Variants in SPIDR observed in about 807,000 individuals in gnomAD.
The protein encoded by SPIDR is DNA repair-scaffolding protein.
SPIDR carries 93 observed loss-of-function variants against 104.6 expected under a neutral mutation model. The ratio of observed to expected loss-of-function variants is 0.89; its 90% CI spans 0.75 to 1.06. SPIDR has a LOEUF of 1.06. Ranked by LOEUF, SPIDR falls within the 50% of genes least tolerant of loss-of-function variation. The probability of loss-of-function intolerance (pLI) is 0.00; values close to 1 mark genes in which losing one functional copy is unlikely to be tolerated. For synonymous variants in SPIDR, 431 were observed against 416.9 expected, an observed-to-expected ratio of 1.03 and a Z score of -0.41; for missense variants, 1,154 against 1,111.2, an observed-to-expected ratio of 1.04 and a Z score of -0.55.
chr8:47,551,322 T>C (rs540918938), intron 8 of SPIDR, among the ~76,000 whole-genome samples: 142 of 152,356 alleles, frequency 9.3e-4, no homozygotes, highest in African/African-American at 3.3e-3. Flanking sequence ...TTTCTATTGA[T>C]GTGAATAGTT....
chr8:47,663,805 T>G (rs1268919412), intron 10 of SPIDR, among the ~76,000 whole-genome samples: 1 of 152,220 alleles, frequency 6.6e-6, no homozygotes, highest in African/African-American at 2.4e-5. Context: ...TAGAGAATCT[T>G]TATTTCCAAT....
intron 5 of SPIDR, among the ~76,000 whole-genome samples, chr8:47,333,065 C>G (rs1052391698): frequency 6.6e-6 from 1 of 152,044 alleles, no homozygotes; most frequent in Non-Finnish European, 1.5e-5. Context: ...AACTAAGGCA[C>G]AGACACACAC....
At chr8:47,349,784 G>A (rs2053056336) in intron 5 of SPIDR, among the ~76,000 whole-genome samples, 1 of 152,244 alleles carries the variant, frequency 6.6e-6, no homozygotes, top group African/African-American at 2.4e-5. Flanking sequence ...GCCCGGCGCG[G>A]GATGTAATGT....
intron 10 of SPIDR, among the ~76,000 whole-genome samples, chr8:47,636,547 G>A (rs946913352): frequency 1.9e-4 from 29 of 152,244 alleles, no homozygotes; most frequent in Admixed American, 1.4e-3. Flanking sequence ...TTGGCCAGGC[G>A]CGGTGGCTCA....
intron 11 of SPIDR, among the ~76,000 whole-genome samples, chr8:47,699,647 C>T (rs968970813): frequency 6.6e-6 from 1 of 152,072 alleles, no homozygotes; most frequent in African/African-American, 2.4e-5. Flanking sequence ...CTCCGCCTCC[C>T]GGGTTCAAGC....
intron 8 of SPIDR, among the ~76,000 whole-genome samples, chr8:47,493,231 G>A (rs983831441): frequency 1.3e-5 from 2 of 152,202 alleles, no homozygotes; most frequent in Middle Eastern, 3.4e-3. Context: ...CAGATTTCCA[G>A]TAATAGAATT....
intron 8 of SPIDR, among the ~76,000 whole-genome samples, chr8:47,548,155 GTTAA>G (rs2089777034): frequency 6.6e-6 from 1 of 151,574 alleles, no homozygotes; most frequent in African/African-American, 2.4e-5. Context: ...TTTTTCTATT[GTTAA>G]TTAGAAGATA....
At chr8:47,460,121 G>A (rs1329034868) in intron 8 of SPIDR, among the ~76,000 whole-genome samples, 1 of 152,078 alleles carries the variant, frequency 6.6e-6, no homozygotes, top group Non-Finnish European at 1.5e-5. Flanking sequence ...TGTTTGTTGG[G>A]TAGAATATTT....
chr8:47,591,356 C>T lies in SPIDR; in HGVS notation c.1098-4455C>T, dbSNP rs896290061. ...CATATATGTAACTTAGCACAGTCTA[C>T]TGGGTCAAAATTTTACCAGTTTCCG... On this transcript the variant is annotated intron_variant, in intron 8 of 19. Transcript: ENST00000297423. Among the ~76,000 whole-genome samples, 10 of 151,808 alleles carry T rather than the reference C, an allele frequency of 6.6e-5. No homozygotes were observed. In the South Asian group the frequency reaches 2.1e-3, roughly 31 times the overall value.
chr8:47,591,434 T>TTATG (rs572381513), intron 8 of SPIDR, among the ~76,000 whole-genome samples: 1 of 113,278 alleles, frequency 8.8e-6, no homozygotes, highest in Non-Finnish European at 1.7e-5. Flanking sequence ...CCCTATTTAT[T>TTATG]TATTTATTTA....
intron 10 of SPIDR, among the ~76,000 whole-genome samples, chr8:47,624,496 T>C (rs796715768): frequency 6.6e-6 from 1 of 151,988 alleles, no homozygotes; most frequent in Non-Finnish European, 1.5e-5. Context: ...CTAGCAAGAC[T>C]AATAAAGAAG....
intron 16 of SPIDR, among the ~76,000 whole-genome samples, chr8:47,722,733 AAATGC>A (rs1413715280): frequency 1.3e-5 from 2 of 152,168 alleles, no homozygotes; most frequent in African/African-American, 4.8e-5. Flanking sequence ...CCCATATCCG[AAATGC>A]TTGGAACCAG....
intron 8 of SPIDR, among the ~76,000 whole-genome samples, chr8:47,475,493 T>C (rs2076178085): frequency 6.6e-6 from 1 of 152,268 alleles, no homozygotes; most frequent in Non-Finnish European, 1.5e-5. Context: ...TGCAGTGATC[T>C]TTAAAGCCAT....
chr8:47,320,489 T>G (rs549196076), intron 5 of SPIDR, among the ~76,000 whole-genome samples: 161 of 152,214 alleles, frequency 1.1e-3, no homozygotes, highest in African/African-American at 3.5e-3. Context: ...CAGGACTGGA[T>G]GAATTTACAG....
intron 7 of SPIDR, among the ~76,000 whole-genome samples, chr8:47,434,528 G>A (rs1554691065): frequency 1.3e-5 from 2 of 152,174 alleles, no homozygotes; most frequent in Admixed American, 1.3e-4. Flanking sequence ...AAATTACCAT[G>A]GGGTCAGTGT....
intron 16 of SPIDR, among the ~76,000 whole-genome samples, chr8:47,714,551 G>A (rs1435651939): frequency 6.6e-6 from 1 of 152,152 alleles, no homozygotes; most frequent in Non-Finnish European, 1.5e-5. Flanking sequence ...CATGTCTAGT[G>A]GAACTAGTGA....
At chr8:47,656,322 A>G (rs1335019862) in intron 10 of SPIDR, among the ~76,000 whole-genome samples, 1 of 152,236 alleles carries the variant, frequency 6.6e-6, no homozygotes, top group Non-Finnish European at 1.5e-5. Context: ...ACTCAACAAT[A>G]AAAAGATACC....
intron 10 of SPIDR, among the ~76,000 whole-genome samples, chr8:47,608,778 C>T (rs1325411775): frequency 6.6e-6 from 1 of 152,192 alleles, no homozygotes. Context: ...GGGCGGAGTG[C>T]AGTGGCACGA....
At chr8:47,298,769 T>C (rs1563521877) in intron 5 of SPIDR, among the ~76,000 whole-genome samples, 1 of 152,324 alleles carries the variant, frequency 6.6e-6, no homozygotes, top group African/African-American at 2.4e-5. Flanking sequence ...GTTGTAGATA[T>C]GCGGCATTAT....
Sources: gnomAD v4.1 joint callset for allele counts (sites outside exome capture counted in the v4.1 genomes callset) on GRCh38, gnomAD v4.1.1 for gene constraint, MANE v1.5 for transcripts, NCBI Gene and HGNC (gene_info 2026-07-23, HGNC 2026-07-21) for gene names.